The following SLC26A3 variants were observed in gnomAD, a reference collection of about 807,000 sequenced individuals.
The protein encoded by SLC26A3 is solute carrier family 26 member 3.
A neutral mutation model predicts 85.6 loss-of-function variants in SLC26A3; 64 were observed. The observed-to-expected ratio is 0.75, with a 90% CI of 0.61 to 0.92. The LOEUF is 0.92. Among genes scored for constraint, SLC26A3 ranks in the 40% least tolerant of loss-of-function variants. The pLI, the probability that SLC26A3 is intolerant of heterozygous loss-of-function variation, is 0.00. For synonymous variants in SLC26A3, 349 were observed against 336.0 expected, an observed-to-expected ratio of 1.04 and a Z score of -0.42; for missense variants, 922 against 927.3, an observed-to-expected ratio of 0.99 and a Z score of 0.07.
chr7:107,796,060 G>A (rs1473782007), intron 1 of SLC26A3, among the ~76,000 whole-genome samples: 1 of 151,746 alleles, frequency 6.6e-6, no homozygotes, highest in East Asian at 1.9e-4. Flanking sequence ...TTGATCTCCA[G>A]AATTTGAGTT....
At chr7:107,801,925 C>CAAA (rs11356401) in intron 1 of SLC26A3, among the ~76,000 whole-genome samples, 4,934 of 91,138 alleles carry the variant, frequency 0.054, 115 homozygotes, top group Middle Eastern at 0.16. Context: ...ACTGAAAATA[C>CAAA]AAAAAAAAAA....
At position 107,801,892 on chromosome 7, in the gene SLC26A3, C is replaced by CA. The variant is rs371207898; in HGVS notation, c.-89+1218dup. On this transcript the variant is annotated intron_variant, in intron 1 of 20. Coordinates refer to ENST00000340010, the MANE Select transcript of SLC26A3 (RefSeq NM_000111.3). ...GTCAGGAGTTCGAGACCAGCCTGGC[C>CA]AACATGGCGAAACCCCGTCTCTACT... is the stretch of plus-strand genomic sequence containing the variant. Among the ~76,000 whole-genome samples the CA allele has an allele frequency of 3.9e-3, 547 of 140,098 alleles. 2 individuals carry two copies. Among genetic ancestry groups the CA allele is most frequent in the South Asian group, 0.014 (62 of 4,376 alleles). The allele number at this position is 140,098 out of a possible 152,430, so 91.9% of individuals were successfully genotyped here. A position where few individuals can be genotyped will look rare whatever the true frequency, so the allele number is the denominator to read the frequency against.
In SLC26A3 at chr7:107,783,059, C is replaced by T; in HGVS notation, c.1154G>A (p.Cys385Tyr). The T allele has an allele frequency of 6.2e-7, 1 of 1,614,100 alleles. No individual in the cohort carries two copies. Among genetic ancestry groups the T allele is most frequent in the East Asian group, 2.2e-5 (1 of 44,894 alleles). ...CCCAGCAAATCCTCTGAATACTCCA[C>T]AGACTATGTTACCCAGTCCCAAGGC... ...LIALGLGNIV[C>Y]GVFRGFAGST... is the part of the protein sequence containing the mutation. Residue 385 changes from cysteine (C) to tyrosine (Y), a missense_variant, in exon 10 of 21, where the codon TGT becomes TAT. Coordinates refer to ENST00000340010, the MANE Select transcript of SLC26A3 (RefSeq NM_000111.3).
chr7:107,784,230 T>C (rs1052166371), intron 8 of SLC26A3, among the ~76,000 whole-genome samples: 15 of 152,244 alleles, frequency 9.9e-5, no homozygotes, highest in African/African-American at 3.6e-4. Flanking sequence ...AGAAGTACTA[T>C]TATATCTGAT....
chr7:107,773,889 T>C, intron 17 of SLC26A3, 31 bp downstream of exon 17: 1 of 1,546,870 alleles, frequency 6.5e-7, no homozygotes, highest in Non-Finnish European at 8.9e-7. Flanking sequence ...AGTCATTGAT[T>C]GGTTGTTTCC....
chr7:107,765,801 TAA>T lies in SLC26A3; in HGVS notation c.*52_*53del. ...GAACTTATCAATAACTTTCTGGGTA[TAA>T]AGTTGTTTTTATGTCATAGTCAGAT... On this transcript the variant is annotated 3_prime_UTR_variant, in exon 21 of 21. Coordinates refer to ENST00000340010, the MANE Select transcript of SLC26A3 (RefSeq NM_000111.3). 2 of 1,298,234 alleles carry T rather than the reference TAA, an allele frequency of 1.5e-6. No homozygotes were observed. Among genetic ancestry groups the T allele is most frequent in the Non-Finnish European group, 2.2e-6 (2 of 892,992 alleles). 80.4% of individuals were successfully genotyped at this position (1,298,234 alleles called of 1,614,324 possible).
intron 18 of SLC26A3, 152 bp from the exon 19 acceptor site, chr7:107,768,060 C>G (rs1013414771): frequency 3.0e-5 from 21 of 694,054 alleles, no homozygotes; most frequent in Middle Eastern, 3.9e-4. Context: ...TAATACCAGT[C>G]TATCTTTAGT....
chr7:107,772,299 A>G (rs1198170094), intron 17 of SLC26A3, among the ~76,000 whole-genome samples, 191 bp from the exon 18 acceptor site: 2 of 152,184 alleles, frequency 1.3e-5, no homozygotes, highest in Admixed American at 6.5e-5. Flanking sequence ...AACCCAAACA[A>G]AAGAACCCTT....
intron 5 of SLC26A3, 53 bp from the exon 6 acceptor site, chr7:107,789,741 A>G: frequency 6.5e-7 from 1 of 1,550,214 alleles, no homozygotes. Context: ...ATACCTCAGC[A>G]AACTCAAGGA....
At chr7:107,773,623 T>C (rs532803990) in intron 17 of SLC26A3, among the ~76,000 whole-genome samples, 1 of 152,374 alleles carries the variant, frequency 6.6e-6, no homozygotes, top group Non-Finnish European at 1.5e-5. Flanking sequence ...CAATTTCGGC[T>C]CACTGCAATT....
intron 1 of SLC26A3, among the ~76,000 whole-genome samples, chr7:107,797,925 A>G (rs1292237552): frequency 4.6e-5 from 7 of 152,018 alleles, no homozygotes; most frequent in African/African-American, 9.7e-5. Context: ...CACAATTCCA[A>G]TTTCAAATAT....
At chr7:107,778,411 A>T in intron 12 of SLC26A3, 130 bp from the exon 13 acceptor site, 1 of 636,766 alleles carries the variant, frequency 1.6e-6, no homozygotes. Context: ...CTATAAAAAA[A>T]ATTTAAAAAT....
Position 107,776,536 on chromosome 7 carries a change from C to A in SLC26A3, c.1593G>T (p.Glu531Asp). Reference protein sequence around the residue: ...KNKKDYYDMYEPEGVKIFRCP... With the variant: ...KNKKDYYDMYDPEGVKIFRCP... ...ATCTGAAAATTTTCACTCCTTCTGGCTCATACATCTGTAAGGCAGAGAAGC... is the reference window on the plus strand; with the variant it reads ...ATCTGAAAATTTTCACTCCTTCTGGATCATACATCTGTAAGGCAGAGAAGC... The change falls in exon 15 of 21, where the codon GAG (glutamate) becomes GAT (aspartate). Residue 531 changes from glutamate (E) to aspartate (D), a missense_variant. Transcript: ENST00000340010. 1 of 1,613,874 alleles carries A rather than the reference C, an allele frequency of 6.2e-7. No homozygotes were observed. Among genetic ancestry groups the A allele is most frequent in the South Asian group, 1.1e-5 (1 of 91,086 alleles).
chr7:107,790,467 A>G (rs1299313997), intron 5 of SLC26A3, among the ~76,000 whole-genome samples: 1 of 152,202 alleles, frequency 6.6e-6, no homozygotes, highest in Non-Finnish European at 1.5e-5. Flanking sequence ...TTAACCAATA[A>G]TATCATTATC....
At chr7:107,779,205 AC>A (rs1173173566) in intron 12 of SLC26A3, among the ~76,000 whole-genome samples, 3 of 152,202 alleles carry the variant, frequency 2.0e-5, no homozygotes, top group Non-Finnish European at 4.4e-5. Context: ...ACAGACTTTG[AC>A]CCTGTTAAAA....
chr7:107,786,152 C>T (rs116204340), intron 8 of SLC26A3, among the ~76,000 whole-genome samples: 143 of 152,274 alleles, frequency 9.4e-4, no homozygotes, highest in African/African-American at 3.4e-3. Flanking sequence ...ACGTGGAGTG[C>T]CTGTGTTCCT....
At position 107,778,178 on chromosome 7, in the gene SLC26A3, T is replaced by G; in HGVS notation, c.1511A>C (p.Gln504Pro). The change falls in exon 13 of 21, where the codon CAA becomes CCA. Residue 504 changes from glutamine to proline, a missense_variant. By Grantham distance (76) the Gln-to-Pro change is moderately conservative. Transcript: ENST00000340010. ...FQLLTIVFRT[Q>P]FPKCSTLANI... The stretch of plus-strand genomic sequence containing the variant: ...GCAGAGCACTTTGAGCACTCACAAT[T>G]GGGTCCTGAACACGATGGTTAGCAG... 1 of 1,610,738 alleles carries G rather than the reference T, an allele frequency of 6.2e-7. No individual in the cohort carries two copies. The highest frequency in any genetic ancestry group is 8.5e-7 in the Non-Finnish European group (1 of 1,177,110).
chr7:107,772,027 AC>A, intron 18 of SLC26A3, 26 bp downstream of exon 18: 2 of 1,555,328 alleles, frequency 1.3e-6, no homozygotes, highest in Non-Finnish European at 8.9e-7. Context: ...GATTGTCAGA[AC>A]ATAAAACAAA....
chr7:107,796,676 T>A (rs1462737031), intron 1 of SLC26A3, among the ~76,000 whole-genome samples: 1 of 152,198 alleles, frequency 6.6e-6, no homozygotes, highest in African/African-American at 2.4e-5. Flanking sequence ...TAAGATCTAA[T>A]CCATGGTCAA....
Sources: allele counts gnomAD v4.1 joint callset (sites outside exome capture counted in the v4.1 genomes callset), GRCh38; gene constraint gnomAD v4.1.1; transcripts MANE v1.5; gene names NCBI Gene and HGNC (gene_info 2026-07-23, HGNC 2026-07-21).